The following EPB41L4A variants were observed in gnomAD, a reference collection of about 807,000 sequenced individuals.
The protein encoded by EPB41L4A is band 4.1-like protein 4A.
EPB41L4A carries 100 observed loss-of-function variants against 108.6 expected under a neutral mutation model. That is an observed-to-expected ratio of 0.92 (90% CI 0.78 to 1.09). EPB41L4A has a LOEUF of 1.09. Ranked by LOEUF, EPB41L4A falls within the 50% of genes least tolerant of loss-of-function variation. The pLI, the probability that EPB41L4A is intolerant of heterozygous loss-of-function variation, is 0.00. For missense variants in EPB41L4A, 1,030 were observed against 842.7 expected (o/e 1.22, Z -2.75); for synonymous variants, 319 against 289.0 (o/e 1.10, Z -1.05).
At chr5:112,174,241 C>T (rs141689692) in intron 18 of EPB41L4A, among the ~76,000 whole-genome samples, 260 of 152,310 alleles carry the variant, frequency 1.7e-3, no homozygotes, top group African/African-American at 6.0e-3. Context: ...TACATCTGCA[C>T]ACACATTTAA....
intron 13 of EPB41L4A, chr5:112,205,927 T>A (rs1043961679): frequency 6.1e-6 from 1 of 164,948 alleles, no homozygotes; most frequent in African/African-American, 2.4e-5. Flanking sequence ...CGGGTCTGAA[T>A]CCACACAGGT....
chr5:112,280,309 A>G lies in EPB41L4A; in HGVS notation c.219T>C (p.Pro73=). The G allele has an allele frequency of 6.2e-7, 1 of 1,613,964 alleles. No individual in the cohort carries two copies. Among genetic ancestry groups the G allele is most frequent in the Middle Eastern group, 1.7e-4 (1 of 6,058 alleles). ...DRSHQTYWLD[P]AKTLAEHKEL... ...CTTTGTGTTCAGCAAGGGTTTTTGC[A>G]GGATCCAGCCAATACTGTGTGAGGA... The change falls in exon 3 of 23, where the codon CCT becomes CCC. Residue 73 remains proline, a synonymous_variant. Coordinates refer to ENST00000261486, the MANE Select transcript of EPB41L4A (RefSeq NM_022140.5).
chr5:112,147,718 A>C (rs903108720), intron 12 of EPB41L4A, among the ~76,000 whole-genome samples: 3 of 152,048 alleles, frequency 2.0e-5, no homozygotes, highest in Admixed American at 2.0e-4. Flanking sequence ...TACACCCCCA[A>C]AATAAGAAAA....
At chr5:112,398,206 T>C (rs1336325032) in intron 1 of EPB41L4A, among the ~76,000 whole-genome samples, 1 of 152,180 alleles carries the variant, frequency 6.6e-6, no homozygotes, top group Non-Finnish European at 1.5e-5. Flanking sequence ...ATTCAATATA[T>C]TAAAAAAAAA....
In EPB41L4A at chr5:112,184,174, T is replaced by C. The variant is rs145135931; in HGVS notation, c.1503-39A>G. 133 of 1,607,792 alleles carry C rather than the reference T, an allele frequency of 8.3e-5. No homozygotes were observed. The African/African-American group carries it at 1.6e-3, about 19-fold the overall frequency. On this transcript the variant is annotated intron_variant, in intron 17 of 22. Transcript: ENST00000261486. ...CATGCATCTGAAGTTAACATCTACA[T>C]GGATGGCGCGTTTTAGGTTCATCCT... is the stretch of plus-strand genomic sequence containing the variant.
At chr5:112,160,617 G>C (rs961007670), downstream of EPB41L4A, 1 of 152,792 alleles carries the variant, frequency 6.5e-6, no homozygotes, top group Non-Finnish European at 1.5e-5. Context: ...CGGGTGGGGG[G>C]ATGTCTGGAT....
At chr5:112,364,747 A>C (rs1043209327) in intron 1 of EPB41L4A, among the ~76,000 whole-genome samples, 1 of 152,252 alleles carries the variant, frequency 6.6e-6, no homozygotes, top group Non-Finnish European at 1.5e-5. Flanking sequence ...TTGTGTACTA[A>C]GTACTGCAAA....
rs578227430 is a variant in EPB41L4A at position 112,367,340 on chromosome 5, T to C, written c.99+51601A>G. 2.0e-5 allele frequency among the ~76,000 whole-genome samples: 3 copies of C among 152,308 alleles called. No individual in the cohort carries two copies. In the East Asian group the frequency reaches 5.8e-4, roughly 29 times the overall value. On this transcript the variant is annotated intron_variant, in intron 1 of 22. Coordinates refer to ENST00000261486, the MANE Select transcript of EPB41L4A (RefSeq NM_022140.5). ...ATTTCACTCCATTTCTTCAAATAAGTTATCTTAAGAGCCGATGCAACCTCT... is the reference window on the plus strand; with the variant it reads ...ATTTCACTCCATTTCTTCAAATAAGCTATCTTAAGAGCCGATGCAACCTCT...
intron 12 of EPB41L4A, among the ~76,000 whole-genome samples, chr5:112,151,015 T>G (rs1458593898): frequency 6.6e-6 from 1 of 152,184 alleles, no homozygotes; most frequent in Non-Finnish European, 1.5e-5. Context: ...TTGCTATTCA[T>G]TATGTCTGGG....
At chr5:112,224,886 A>G (rs950033236) in intron 12 of EPB41L4A, among the ~76,000 whole-genome samples, 4 of 152,182 alleles carry the variant, frequency 2.6e-5, no homozygotes, top group Non-Finnish European at 5.9e-5. Flanking sequence ...ATTTTCAGAA[A>G]TCATCTCCAT....
chr5:112,361,130 G>A (rs992516468), intron 1 of EPB41L4A, among the ~76,000 whole-genome samples: 9 of 152,344 alleles, frequency 5.9e-5, no homozygotes, highest in Admixed American at 2.0e-4. Flanking sequence ...CTGTGTCTGT[G>A]TGGAAAGAAG....
intron 1 of EPB41L4A, among the ~76,000 whole-genome samples, chr5:112,408,421 C>A (rs781213714): frequency 7.9e-5 from 12 of 151,658 alleles, no homozygotes; most frequent in Non-Finnish European, 1.8e-4. Flanking sequence ...TAAAGATGAC[C>A]CAAATGGGAG....
At chr5:112,407,346 T>A (rs562750383) in intron 1 of EPB41L4A, among the ~76,000 whole-genome samples, 185 of 152,302 alleles carry the variant, frequency 1.2e-3, no homozygotes, top group African/African-American at 4.4e-3. Context: ...TCATAGAGGA[T>A]TGTAGTTCAA....
At chr5:112,181,003 T>A (rs1761117457) in intron 18 of EPB41L4A, among the ~76,000 whole-genome samples, 1 of 152,160 alleles carries the variant, frequency 6.6e-6, no homozygotes, top group Non-Finnish European at 1.5e-5. Context: ...TACAATGGAA[T>A]CTCTACTTCA....
At chr5:112,168,712 C>A (rs572106322) in intron 22 of EPB41L4A, 27 bp downstream of exon 22, 6 of 1,585,580 alleles carry the variant, frequency 3.8e-6, no homozygotes, top group Non-Finnish European at 5.2e-6. Flanking sequence ...CAATACAACA[C>A]CTTCTTCAAA....
upstream of EPB41L4A, chr5:112,419,500 C>T (rs1193991540): frequency 1.8e-5 from 7 of 382,494 alleles, no homozygotes; most frequent in African/African-American, 1.5e-4. Context: ...TGAGCGCGGC[C>T]CCGACGTCCT....
chr5:112,371,724 T>G (rs1759508506), intron 1 of EPB41L4A, among the ~76,000 whole-genome samples: 1 of 152,186 alleles, frequency 6.6e-6, no homozygotes, highest in Admixed American at 6.5e-5. Context: ...CTCTCATTGT[T>G]TATTTACCAG....
intron 17 of EPB41L4A, 60 bp downstream of exon 17, chr5:112,194,508 T>TA (rs1761863529): frequency 9.9e-7 from 1 of 1,009,238 alleles, no homozygotes; most frequent in African/African-American, 1.7e-5. Context: ...ACTCAGTTTC[T>TA]ACCACCAAGG....
At chr5:112,144,581 T>C (rs1379527859) in intron 13 of EPB41L4A, among the ~76,000 whole-genome samples, 3 of 152,208 alleles carry the variant, frequency 2.0e-5, no homozygotes, top group Admixed American at 1.3e-4. Flanking sequence ...CTGGTCTTGG[T>C]TGGATACAGA....
Sources: allele counts gnomAD v4.1 joint callset (sites outside exome capture counted in the v4.1 genomes callset), GRCh38; gene constraint gnomAD v4.1.1; transcripts MANE v1.5; gene names NCBI Gene and HGNC (gene_info 2026-07-23, HGNC 2026-07-21).